CTDSPL: variants seen among roughly 807,000 people sequenced by gnomAD.
CTDSPL encodes the protein CTD small phosphatase like.
Under a neutral mutation model 30.5 loss-of-function variants are expected in CTDSPL, and 8 were observed. The ratio of observed to expected loss-of-function variants is 0.26; its 90% CI spans 0.15 to 0.47. The LOEUF (loss-of-function observed/expected upper bound fraction) is 0.47. CTDSPL is among the 20% of genes least tolerant of loss of function. The pLI, the probability that CTDSPL is intolerant of heterozygous loss-of-function variation, is 0.99. For missense variants in CTDSPL, 248 were observed against 366.1 expected, an observed-to-expected ratio of 0.68 and a Z score of 2.63; for synonymous variants, 110 against 137.9, an observed-to-expected ratio of 0.80 and a Z score of 1.42.
At chr3:37,921,518 A>T (rs1367276174) in intron 1 of CTDSPL, among the ~76,000 whole-genome samples, 1 of 152,172 alleles carries the variant, frequency 6.6e-6, no homozygotes, top group Non-Finnish European at 1.5e-5. Context: ...GGACAGGAAC[A>T]GTTCCTTTTT....
At position 37,893,676 on chromosome 3, in the gene CTDSPL, G is replaced by C. The variant is rs375331257; in HGVS notation, c.79+31398G>C. On this transcript the variant is annotated intron_variant, in intron 1 of 7. Transcript: ENST00000273179. ...TTTCTCTAGGTCTCGATAATGTTTA[G>C]AGGAATAAGTATAAATATTCCTTGA... Among the ~76,000 whole-genome samples, 199 of 152,312 alleles carry C rather than the reference G, an allele frequency of 1.3e-3. 1 individual carries two copies. The highest frequency in any genetic ancestry group is 4.6e-3 in the African/African-American group (190 of 41,564).
At chr3:37,863,128 C>G (rs896355242) in intron 1 of CTDSPL, among the ~76,000 whole-genome samples, 6 of 152,178 alleles carry the variant, frequency 3.9e-5, no homozygotes, top group African/African-American at 1.4e-4. Flanking sequence ...TCTCCCTTCT[C>G]CACTCTTTGC....
chr3:37,964,512 C>A, intron 3 of CTDSPL, 59 bp from the exon 4 acceptor site: 2 of 1,149,580 alleles, frequency 1.7e-6, no homozygotes, highest in South Asian at 1.2e-5. Flanking sequence ...TAGTATAATG[C>A]AATACTGATT....
intron 2 of CTDSPL, among the ~76,000 whole-genome samples, chr3:37,954,154 G>A (rs1575315610): frequency 6.6e-6 from 1 of 152,290 alleles, no homozygotes; most frequent in Middle Eastern, 3.4e-3. Context: ...TGGCAGCCCT[G>A]GAAGCTTTCC....
chr3:37,955,317 A>T (rs1699158361), intron 2 of CTDSPL, among the ~76,000 whole-genome samples: 1 of 152,176 alleles, frequency 6.6e-6, no homozygotes, highest in Non-Finnish European at 1.5e-5. Context: ...AGTCCCAGCT[A>T]CTCAGGAGGC....
intron 2 of CTDSPL, among the ~76,000 whole-genome samples, chr3:37,950,856 A>G (rs953361009): frequency 2.6e-5 from 4 of 152,230 alleles, no homozygotes; most frequent in Non-Finnish European, 4.4e-5. Flanking sequence ...TTATATTAGT[A>G]TCAGACTTCT....
chr3:37,882,263 A>T (rs1483552690), intron 1 of CTDSPL, among the ~76,000 whole-genome samples: 52 of 152,056 alleles, frequency 3.4e-4, no homozygotes, highest in Admixed American at 3.4e-3. Flanking sequence ...TAACATGGTA[A>T]AACCCCGTCT....
rs61575071 is a variant in CTDSPL, at chr3:37,870,568, G to A, written c.79+8290G>A. On this transcript the variant is annotated intron_variant, in intron 1 of 7. Transcript: ENST00000273179. ...TCTGTTTTCAACTTTGTTGATTTCT[G>A]TTCTTATCTTTATTTCCTTACTTCC... is the stretch of plus-strand genomic sequence containing the variant. Among the ~76,000 whole-genome samples the A allele has an allele frequency of 7.0e-3, 1,069 of 152,064 alleles. 10 individuals carry two copies. Among genetic ancestry groups the A allele is most frequent in the African/African-American group, 0.024 (990 of 41,506 alleles).
At position 37,957,128 on chromosome 3, in the gene CTDSPL, C is replaced by A; in HGVS notation, c.252C>A (p.Val84=). The A allele has an allele frequency of 1.3e-6, 2 of 1,598,924 alleles. No homozygotes were observed. The highest frequency in any genetic ancestry group is 2.3e-5 in the South Asian group (2 of 88,738). ...GGLQKGDQRQ[V]IPIPSPPAKY... ...TTCCTCAGGGTGACCAGAGGCAGGT[C>A]ATTCCCATACCAAGTGTATGTATAT... is the stretch of plus-strand genomic sequence containing the variant. The change falls in exon 3 of 8, where the codon GTC becomes GTA. Residue 84 remains valine (V), a synonymous_variant. Coordinates refer to ENST00000273179, the MANE Select transcript of CTDSPL (RefSeq NM_001008392.2).
chr3:37,933,312 C>A (rs767197699), intron 1 of CTDSPL, among the ~76,000 whole-genome samples: 1 of 152,186 alleles, frequency 6.6e-6, no homozygotes, highest in African/African-American at 2.4e-5. Context: ...ATTCTCCTCT[C>A]CCTTCCAGTT....
intron 1 of CTDSPL, among the ~76,000 whole-genome samples, chr3:37,913,769 T>A (rs1318162025): frequency 1.3e-5 from 2 of 152,230 alleles, no homozygotes; most frequent in Non-Finnish European, 2.9e-5. Flanking sequence ...TTGGTTTCCG[T>A]CTGGTGAACA....
At chr3:37,884,525 C>T (rs1406376444) in intron 1 of CTDSPL, among the ~76,000 whole-genome samples, 1 of 152,142 alleles carries the variant, frequency 6.6e-6, no homozygotes, top group Non-Finnish European at 1.5e-5. Context: ...GCAAAACTTT[C>T]TAAAGATCTT....
rs926806011 is a variant in CTDSPL, at chr3:37,877,939, C to T, written c.79+15661C>T. Among the ~76,000 whole-genome samples, 12 of 152,262 alleles carry T rather than the reference C, an allele frequency of 7.9e-5. No homozygotes were observed. In the East Asian group the frequency reaches 2.3e-3, roughly 29 times the overall value. The stretch of plus-strand genomic sequence containing the variant: ...CTCCCATGACCCAAACAGCTCCCAC[C>T]GGGCCCCACTGTCAACACTGAGGAT... On this transcript the variant is annotated intron_variant, in intron 1 of 7. Coordinates refer to ENST00000273179, the MANE Select transcript of CTDSPL (RefSeq NM_001008392.2).
At chr3:37,905,108 A>G (rs1217753548) in intron 1 of CTDSPL, among the ~76,000 whole-genome samples, 1 of 152,252 alleles carries the variant, frequency 6.6e-6, no homozygotes, top group Non-Finnish European at 1.5e-5. Flanking sequence ...GAATGAATGA[A>G]TATAAAAAGT....
chr3:37,884,817 G>A (rs542035499), intron 1 of CTDSPL, among the ~76,000 whole-genome samples: 4 of 152,124 alleles, frequency 2.6e-5, no homozygotes, highest in South Asian at 2.1e-4. Flanking sequence ...CATAAGCCAC[G>A]GCTTCTAATT....
At position 37,873,132 on chromosome 3, in the gene CTDSPL, G is replaced by C. The variant is rs375911757; in HGVS notation, c.79+10854G>C. Reference sequence around the variant, plus strand: ...GCTCATTACCAGCTTTCAGGGATGAGCTTCATATTTGGCCACCTTTAACAC... The same window carrying C: ...GCTCATTACCAGCTTTCAGGGATGACCTTCATATTTGGCCACCTTTAACAC... On this transcript the variant is annotated intron_variant, in intron 1 of 7. Coordinates refer to ENST00000273179, the MANE Select transcript of CTDSPL (RefSeq NM_001008392.2). Among the ~76,000 whole-genome samples, 12 of 152,330 alleles carry C rather than the reference G, an allele frequency of 7.9e-5. No homozygotes were observed. In the East Asian group the frequency reaches 9.6e-4, roughly 12 times the overall value.
intron 1 of CTDSPL, among the ~76,000 whole-genome samples, chr3:37,934,710 G>A (rs1389610100): frequency 2.0e-5 from 3 of 152,228 alleles, no homozygotes; most frequent in African/African-American, 4.8e-5. Flanking sequence ...GAGGAGGGAG[G>A]CTTGCAGTAG....
At chr3:37,867,266 A>T (rs1698020831) in intron 1 of CTDSPL, among the ~76,000 whole-genome samples, 2 of 152,204 alleles carry the variant, frequency 1.3e-5, no homozygotes, top group African/African-American at 4.8e-5. Flanking sequence ...CTGGAGATTC[A>T]TCCAGGTTGT....
chr3:37,974,360 G>A (rs983707698), intron 6 of CTDSPL, among the ~76,000 whole-genome samples: 4 of 152,220 alleles, frequency 2.6e-5, no homozygotes, highest in South Asian at 2.1e-4. Flanking sequence ...TGCAGCCCAC[G>A]TCCCACAGCT....
Sources: allele counts gnomAD v4.1 joint callset (sites outside exome capture counted in the v4.1 genomes callset), GRCh38; gene constraint gnomAD v4.1.1; transcripts MANE v1.5; gene names NCBI Gene and HGNC (gene_info 2026-07-23, HGNC 2026-07-21).